Variants in CNTN5 observed in about 807,000 individuals in gnomAD.
The protein encoded by CNTN5 is contactin 5.
CNTN5 carries 77 observed loss-of-function variants against 129.1 expected under a neutral mutation model. The observed-to-expected ratio is 0.60, with a 90% CI of 0.50 to 0.72. The LOEUF is 0.72. CNTN5 is among the 30% of genes least tolerant of loss of function. CNTN5 has a pLI of 0.00. For missense variants in CNTN5, 1,478 were observed against 1,328.8 expected (o/e 1.11, Z -1.75); for synonymous variants, 509 against 465.6 (o/e 1.09, Z -1.20).
At chr11:99,837,441 T>C (rs1300361764) in intron 4 of CNTN5, among the ~76,000 whole-genome samples, 1 of 152,164 alleles carries the variant, frequency 6.6e-6, no homozygotes, top group Non-Finnish European at 1.5e-5. Flanking sequence ...ATCTTTGATA[T>C]CTTTTAAAGC....
At chr11:100,243,089 A>C (rs1204115335) in intron 16 of CNTN5, among the ~76,000 whole-genome samples, 1 of 152,206 alleles carries the variant, frequency 6.6e-6, no homozygotes, top group Non-Finnish European at 1.5e-5. Flanking sequence ...CTCACGCTGC[A>C]TCCTACTTTC....
intron 3 of CNTN5, among the ~76,000 whole-genome samples, chr11:99,694,024 C>T (rs757506819): frequency 3.7e-4 from 56 of 151,738 alleles, no homozygotes; most frequent in Non-Finnish European, 5.9e-5. Context: ...GAAGGAATTG[C>T]ATAAACAGAC....
In CNTN5 at chr11:100,299,125, C is replaced by A. The variant is rs190001564; in HGVS notation, c.2386-37C>A. On this transcript the variant is annotated intron_variant, in intron 19 of 24. Coordinates refer to ENST00000524871, the MANE Select transcript of CNTN5 (RefSeq NM_014361.4). Reference sequence around the variant, plus strand: ...TGGAGAAAGTGGATTTTTAATCAATCATTTTGCTGATAATTAATTATATTT... The same window carrying A: ...TGGAGAAAGTGGATTTTTAATCAATAATTTTGCTGATAATTAATTATATTT... 1.2e-3 allele frequency: 1,506 copies of A among 1,306,594 alleles called. 29 individuals are homozygous for A. In the Admixed American group the frequency reaches 0.032, roughly 28 times the overall value. 80.9% of individuals were successfully genotyped at this position (1,306,594 alleles called of 1,614,324 possible). A position where few individuals can be genotyped will look rare whatever the true frequency, so the allele number is the denominator to read the frequency against.
At chr11:99,911,939 A>G (rs1176957818) in intron 6 of CNTN5, among the ~76,000 whole-genome samples, 3 of 151,978 alleles carry the variant, frequency 2.0e-5, no homozygotes, top group Non-Finnish European at 4.4e-5. Context: ...TTACAACAAT[A>G]TATAGTGTAT....
intron 3 of CNTN5, among the ~76,000 whole-genome samples, chr11:99,811,953 A>G (rs1423954903): frequency 1.3e-5 from 2 of 152,148 alleles, no homozygotes; most frequent in African/African-American, 4.8e-5. Flanking sequence ...TTTTTCTCTG[A>G]AAAGAAAAAG....
chr11:100,318,121 G>A (rs1015009833), intron 21 of CNTN5, among the ~76,000 whole-genome samples: 2 of 151,310 alleles, frequency 1.3e-5, no homozygotes, highest in Non-Finnish European at 2.9e-5. Context: ...GGCGCCTGTA[G>A]TCCCAGCTAC....
chr11:100,221,797 G>A (rs1192450450), intron 15 of CNTN5, among the ~76,000 whole-genome samples: 7 of 150,274 alleles, frequency 4.7e-5, no homozygotes, highest in African/African-American at 9.8e-5. Flanking sequence ...TAAGGTCAAC[G>A]AAAGCAGAAA....
intron 6 of CNTN5, among the ~76,000 whole-genome samples, chr11:99,846,047 T>C (rs1414082278): frequency 6.6e-6 from 1 of 152,042 alleles, no homozygotes; most frequent in Non-Finnish European, 1.5e-5. Flanking sequence ...GAAATGCTAA[T>C]ATTTTAGATT....
intron 3 of CNTN5, among the ~76,000 whole-genome samples, chr11:99,719,945 A>C (rs629632): frequency 0.99 from 150,878 of 152,146 alleles, 74,824 homozygotes; most frequent in East Asian, 1. Context: ...TTGATAAATT[A>C]CTGGACACAT....
chr11:99,828,903 A>T (rs934235070), intron 4 of CNTN5, among the ~76,000 whole-genome samples: 2 of 152,212 alleles, frequency 1.3e-5, no homozygotes, highest in African/African-American at 4.8e-5. Flanking sequence ...TCCCATATTC[A>T]TGGAATGTAT....
At chr11:99,562,024 G>A (rs1241575778) in intron 3 of CNTN5, among the ~76,000 whole-genome samples, 1 of 152,090 alleles carries the variant, frequency 6.6e-6, no homozygotes, top group Non-Finnish European at 1.5e-5. Flanking sequence ...GCAGACACAG[G>A]ACTGGCTCTG....
intron 2 of CNTN5, among the ~76,000 whole-genome samples, chr11:99,429,911 T>C (rs1191243086): frequency 2.0e-5 from 3 of 151,588 alleles, no homozygotes; most frequent in African/African-American, 7.3e-5. Context: ...GCATATTACC[T>C]AGCTGTCACA....
chr11:99,151,945 AC>A (rs1470431116), intron 1 of CNTN5, among the ~76,000 whole-genome samples: 1 of 151,914 alleles, frequency 6.6e-6, no homozygotes, highest in Non-Finnish European at 1.5e-5. Context: ...GGTGCAGCAA[AC>A]CCCCATGGTA....
At chr11:99,817,766 C>G (rs1038947034) in intron 3 of CNTN5, among the ~76,000 whole-genome samples, 1 of 152,106 alleles carries the variant, frequency 6.6e-6, no homozygotes, top group Non-Finnish European at 1.5e-5. Flanking sequence ...GGTGCCAAAA[C>G]TTGCATTTAA....
chr11:99,216,241 C>T (rs1221173167), intron 1 of CNTN5, among the ~76,000 whole-genome samples: 1 of 152,112 alleles, frequency 6.6e-6, no homozygotes, highest in Non-Finnish European at 1.5e-5. Context: ...TAAGTGAGAA[C>T]GTGTGATATT....
chr11:99,324,941 G>A (rs1865720906), intron 1 of CNTN5, among the ~76,000 whole-genome samples: 1 of 152,040 alleles, frequency 6.6e-6, no homozygotes, highest in African/African-American at 2.4e-5. Flanking sequence ...GCACCCAGCT[G>A]TAAATTCTTA....
chr11:99,213,873 A>G (rs1054299753), intron 1 of CNTN5, among the ~76,000 whole-genome samples: 1 of 152,168 alleles, frequency 6.6e-6, no homozygotes, highest in African/African-American at 2.4e-5. Flanking sequence ...TATTTCTACC[A>G]TGCTGAGAAT....
intron 3 of CNTN5, among the ~76,000 whole-genome samples, chr11:99,653,866 T>G (rs1952248980): frequency 6.6e-6 from 1 of 151,988 alleles, no homozygotes; most frequent in Non-Finnish European, 1.5e-5. Context: ...TTTTTAATGA[T>G]TTCTACAATG....
intron 18 of CNTN5, among the ~76,000 whole-genome samples, chr11:100,285,905 T>C (rs919004971): frequency 3.3e-5 from 5 of 152,164 alleles, no homozygotes; most frequent in African/African-American, 1.2e-4. Context: ...GCGCGCACCG[T>C]GCGCGAGCCG....
Sources: allele counts gnomAD v4.1 joint callset (sites outside exome capture counted in the v4.1 genomes callset), GRCh38; gene constraint gnomAD v4.1.1; transcripts MANE v1.5; gene names NCBI Gene and HGNC (gene_info 2026-07-23, HGNC 2026-07-21).